ACOXL: variants seen among roughly 807,000 people sequenced by gnomAD.
ACOXL encodes acyl-CoA oxidase like, also known as acyl-coenzyme A oxidase-like protein.
ACOXL carries 70 observed loss-of-function variants against 71.9 expected under a neutral mutation model. The ratio of observed to expected loss-of-function variants is 0.97; its 90% CI spans 0.80 to 1.19. The LOEUF is 1.19. ACOXL is among the 50% of genes most tolerant of loss of function. The pLI is 0.00. For synonymous variants in ACOXL, 253 were observed against 281.6 expected (o/e 0.90, Z 1.02); for missense variants, 703 against 736.3 (o/e 0.95, Z 0.52).
chr2:111,050,668 C>T (rs2066246445), intron 16 of ACOXL, among the ~76,000 whole-genome samples: 1 of 152,158 alleles, frequency 6.6e-6, no homozygotes, highest in Non-Finnish European at 1.5e-5. Flanking sequence ...AGGTGAAGCT[C>T]CTGGGCTCCC....
chr2:110,920,626 G>A (rs2060030863), intron 11 of ACOXL, among the ~76,000 whole-genome samples: 1 of 151,952 alleles, frequency 6.6e-6, no homozygotes, highest in African/African-American at 2.4e-5. Context: ...ATTGGGTAGT[G>A]TCAGCTCTCT....
At chr2:111,116,817 T>TAAA (rs3833442) in intron 17 of ACOXL, among the ~76,000 whole-genome samples, 1 of 145,602 alleles carries the variant, frequency 6.9e-6, no homozygotes, top group Non-Finnish European at 1.5e-5. Flanking sequence ...TTCCTGAAAA[T>TAAA]AAAAAAAAAA....
intron 14 of ACOXL, 51 bp from the exon 15 acceptor site, chr2:111,031,576 G>T: frequency 6.5e-7 from 1 of 1,532,984 alleles, no homozygotes. Context: ...TATTAAGTTA[G>T]ACTCTCTCAC....
chr2:110,857,023 C>G (rs546564504), intron 10 of ACOXL, among the ~76,000 whole-genome samples: 5 of 152,268 alleles, frequency 3.3e-5, no homozygotes, highest in African/African-American at 1.2e-4. Context: ...AGCTATGACC[C>G]TGGCTTAACT....
At chr2:110,989,365 C>A (rs1480412332) in intron 13 of ACOXL, among the ~76,000 whole-genome samples, 3 of 152,104 alleles carry the variant, frequency 2.0e-5, no homozygotes, top group Non-Finnish European at 4.4e-5. Context: ...TCCAACAATA[C>A]ACTGTTATAA....
intron 11 of ACOXL, among the ~76,000 whole-genome samples, chr2:110,933,238 A>G (rs748822791): frequency 1.1e-4 from 17 of 152,062 alleles, no homozygotes; most frequent in Non-Finnish European, 2.4e-4. Flanking sequence ...TATATATCCC[A>G]TATGTTCTTT....
chr2:110,864,566 T>C (rs1694331522), intron 10 of ACOXL, among the ~76,000 whole-genome samples: 1 of 152,226 alleles, frequency 6.6e-6, no homozygotes, highest in South Asian at 2.1e-4. Context: ...TAAGCTTTCT[T>C]GTATGTTATA....
intron 12 of ACOXL, among the ~76,000 whole-genome samples, chr2:110,983,102 A>AT (rs1248466295): frequency 6.6e-6 from 1 of 152,218 alleles, no homozygotes; most frequent in African/African-American, 2.4e-5. Flanking sequence ...GCCTGGATTC[A>AT]TAATGGATAT....
chr2:110,991,570 A>G (rs1299112418), intron 13 of ACOXL, among the ~76,000 whole-genome samples: 1 of 113,162 alleles, frequency 8.8e-6, no homozygotes, highest in Non-Finnish European at 2.1e-5. Context: ...ACTATTCATT[A>G]GAAAATAGAA....
chr2:110,819,853 G>GAT (rs1559305006), intron 9 of ACOXL, among the ~76,000 whole-genome samples: 1 of 152,162 alleles, frequency 6.6e-6, no homozygotes, highest in African/African-American at 2.4e-5. Context: ...GCTTTGGTTT[G>GAT]ATATAGGCCA....
chr2:110,854,382 G>A lies in ACOXL; in HGVS notation c.788+12977G>A, dbSNP rs532133724. ...AGGATGTGGAGGTTCCACACCAGGT[G>A]GACTTGGGGATTCAAACTCAGGCCT... On this transcript the variant is annotated intron_variant, in intron 10 of 17. Coordinates refer to ENST00000439055, the MANE Select transcript of ACOXL (RefSeq NM_001142807.4). 2.6e-5 allele frequency among the ~76,000 whole-genome samples: 4 copies of A among 152,248 alleles called. No homozygotes were observed. In the East Asian group the frequency reaches 7.7e-4, roughly 29 times the overall value.
Position 110,826,962 on chromosome 2 carries a change from G to A in ACOXL, c.754-14409G>A, listed in dbSNP as rs1037431162. Among the ~76,000 whole-genome samples the A allele has an allele frequency of 2.0e-5, 3 of 152,246 alleles. No homozygotes were observed. The East Asian group carries it at 5.8e-4, about 29-fold the overall frequency. On this transcript the variant is annotated intron_variant, in intron 9 of 17. Coordinates refer to ENST00000439055, the MANE Select transcript of ACOXL (RefSeq NM_001142807.4). ...ATGGGCTCGCTCTCCATGGTGAGAT[G>A]TGGTGTGGTGGCACCAGAACATGGG...
intron 9 of ACOXL, among the ~76,000 whole-genome samples, chr2:110,815,636 T>TTGCAGTGGGGAGAATGTTGCC (rs1687825283): frequency 6.6e-6 from 1 of 152,186 alleles, no homozygotes; most frequent in Non-Finnish European, 1.5e-5. Flanking sequence ...ATTACATGGT[T>TTGCAGTGGGGAGAATGTTGCC]TGCAGTGGGG....
In ACOXL at chr2:110,915,348, A is replaced by ATG. The variant is rs1188923872; in HGVS notation, c.905+6444_905+6445insGT. Among the ~76,000 whole-genome samples, 147 of 127,156 alleles carry ATG rather than the reference A, an allele frequency of 1.2e-3. 1 individual carries two copies. The highest frequency in any genetic ancestry group is 3.9e-3 in the Middle Eastern group (1 of 254). 83.4% of individuals were successfully genotyped at this position (127,156 alleles called of 152,430 possible). On this transcript the variant is annotated intron_variant, in intron 11 of 17. Transcript: ENST00000439055. ...TGTTATATGCATTTTATATATATAT[A>ATG]TATGTGTGTGTGTGTGTGTGTGTGT...
chr2:110,973,378 C>A (rs2062301533), intron 12 of ACOXL, among the ~76,000 whole-genome samples: 1 of 151,970 alleles, frequency 6.6e-6, no homozygotes, highest in South Asian at 2.1e-4. Context: ...GGAGGTGGGG[C>A]CTTTGAGAGG....
At chr2:110,915,276 C>T (rs1252148278) in intron 11 of ACOXL, among the ~76,000 whole-genome samples, 1 of 148,480 alleles carries the variant, frequency 6.7e-6, no homozygotes, top group Non-Finnish European at 1.5e-5. Context: ...AAATGAGTTA[C>T]ATTACTTTTC....
chr2:111,011,771 C>T (rs1379473733), intron 14 of ACOXL, among the ~76,000 whole-genome samples: 1 of 151,000 alleles, frequency 6.6e-6, no homozygotes, highest in East Asian at 2.0e-4. Flanking sequence ...GTTATCCCAG[C>T]TATTTGGGAG....
intron 16 of ACOXL, among the ~76,000 whole-genome samples, chr2:111,062,174 A>C (rs906151737): frequency 6.6e-6 from 1 of 152,120 alleles, no homozygotes; most frequent in East Asian, 1.9e-4. Context: ...AAGAGCGGCT[A>C]TATTAATATC....
intron 10 of ACOXL, among the ~76,000 whole-genome samples, chr2:110,845,906 T>C (rs1049716300): frequency 2.0e-5 from 3 of 152,172 alleles, no homozygotes; most frequent in Non-Finnish European, 4.4e-5. Context: ...TGTACAAATA[T>C]CTCTTTGACA....
Sources: gnomAD v4.1 joint callset for allele counts (sites outside exome capture counted in the v4.1 genomes callset) on GRCh38, gnomAD v4.1.1 for gene constraint, MANE v1.5 for transcripts, NCBI Gene and HGNC (gene_info 2026-07-23, HGNC 2026-07-21) for gene names.